NECTIN2: variants seen among roughly 807,000 people sequenced by gnomAD.
NECTIN2 encodes the protein nectin-2.
A neutral mutation model predicts 56.9 loss-of-function variants in NECTIN2; 23 were observed. The ratio of observed to expected loss-of-function variants is 0.40; its 90% CI spans 0.29 to 0.57. The LOEUF is 0.57. Ranked by LOEUF, NECTIN2 falls within the 20% of genes least tolerant of loss-of-function variation. NECTIN2 has a pLI of 0.38. For missense variants in NECTIN2, 587 were observed against 718.3 expected (o/e 0.82, Z 2.09); for synonymous variants, 302 against 313.8 (o/e 0.96, Z 0.40).
Position 44,846,395 on chromosome 19 carries a change from A to T in NECTIN2, c.-131A>T. On this transcript the variant is annotated 5_prime_UTR_variant, in exon 1 of 9. Transcript: ENST00000252483. ...GCCGGGAGAGCAGAACAGGGAGGCT[A>T]GAGCGCAGCGGGAACCGGCCCGGAG... is the stretch of plus-strand genomic sequence containing the variant. The T allele has an allele frequency of 8.6e-7, 1 of 1,164,676 alleles. No homozygotes were observed. The highest frequency in any genetic ancestry group is 1.9e-5 in the South Asian group (1 of 53,610). 72.1% of individuals were successfully genotyped at this position (1,164,676 alleles called of 1,614,324 possible).
chr19:44,850,795 T>G (rs1968890480), intron 1 of NECTIN2, among the ~76,000 whole-genome samples: 1 of 152,162 alleles, frequency 6.6e-6, no homozygotes, highest in Admixed American at 6.5e-5. Context: ...GGTTGGGCAC[T>G]GTGATTAATA....
intron 5 of NECTIN2, among the ~76,000 whole-genome samples, chr19:44,876,653 G>A (rs540845564): frequency 3.9e-5 from 6 of 152,162 alleles, no homozygotes; most frequent in African/African-American, 9.7e-5. Context: ...ACACAGAGTC[G>A]TCACAGAGAC....
chr19:44,885,058 G>A (rs1368292478), intron 6 of NECTIN2, among the ~76,000 whole-genome samples: 1 of 151,040 alleles, frequency 6.6e-6, no homozygotes. Flanking sequence ...GTGCAATGGC[G>A]CGATCTCGGC....
chr19:44,848,553 T>A (rs888225314), intron 1 of NECTIN2, among the ~76,000 whole-genome samples: 1 of 152,108 alleles, frequency 6.6e-6, no homozygotes, highest in African/African-American at 2.4e-5. Flanking sequence ...TGATTCCCTG[T>A]GAAACCTCTT....
intron 6 of NECTIN2, among the ~76,000 whole-genome samples, chr19:44,884,604 C>G (rs528005410): frequency 6.6e-6 from 1 of 152,178 alleles, no homozygotes; most frequent in African/African-American, 2.4e-5. Flanking sequence ...CCACTGTGTC[C>G]GAGACGGCCT....
chr19:44,878,797 T>C (rs1969274623), intron 5 of NECTIN2: 1 of 1,394,316 alleles, frequency 7.2e-7, no homozygotes, highest in Non-Finnish European at 9.3e-7. Context: ...ACTTCTCCCG[T>C]CTCTAGGGCT....
At chr19:44,887,737 C>T (rs1009118180) in intron 8 of NECTIN2, among the ~76,000 whole-genome samples, 2 of 152,158 alleles carry the variant, frequency 1.3e-5, no homozygotes, top group Admixed American at 6.5e-5. Flanking sequence ...TCAAGTCACT[C>T]CCCTCAGTGG....
chr19:44,878,823 G>A (rs1289057151), intron 5 of NECTIN2: 7 of 1,383,716 alleles, frequency 5.1e-6, no homozygotes, highest in Non-Finnish European at 4.7e-6. Flanking sequence ...GGGAGCCCGG[G>A]GAGCTGAGTA....
At chr19:44,869,977 A>G (rs1174332161) in intron 2 of NECTIN2, among the ~76,000 whole-genome samples, 3 of 152,112 alleles carry the variant, frequency 2.0e-5, no homozygotes, top group Non-Finnish European at 4.4e-5. Context: ...AGAGAGAGAG[A>G]TAACCTCAAG....
chr19:44,880,283 C>T (rs997033850), intron 5 of NECTIN2, among the ~76,000 whole-genome samples: 5 of 152,148 alleles, frequency 3.3e-5, no homozygotes, highest in Admixed American at 3.3e-4. Context: ...CTTACACACC[C>T]AGCAAACACC....
intron 6 of NECTIN2, among the ~76,000 whole-genome samples, chr19:44,885,517 G>A (rs1969351578): frequency 6.6e-6 from 1 of 151,252 alleles, no homozygotes; most frequent in Non-Finnish European, 1.5e-5. Flanking sequence ...TCACCATGTT[G>A]GCCAGGCTGG....
rs571126308 is a variant in NECTIN2, at chr19:44,884,504, A to G, written c.1197-1433A>G. On this transcript the variant is annotated intron_variant, in intron 6 of 8. Transcript: ENST00000252483. ...CTCTAAGTTTTTCTGATGCACAGGA[A>G]GGTCTGTTACACCACTGTCTTAATC... 2.6e-5 allele frequency among the ~76,000 whole-genome samples: 4 copies of G among 152,336 alleles called. No homozygotes were observed. The South Asian group carries it at 8.3e-4, about 32-fold the overall frequency.
intron 2 of NECTIN2, among the ~76,000 whole-genome samples, chr19:44,868,812 T>G (rs1969135548): frequency 6.6e-6 from 1 of 151,742 alleles, no homozygotes; most frequent in African/African-American, 2.4e-5. Flanking sequence ...CTCGGGAGAT[T>G]GAGGCAGGAG....
chr19:44,881,680 G>A (rs1252068684), intron 5 of NECTIN2, among the ~76,000 whole-genome samples: 12 of 152,068 alleles, frequency 7.9e-5, no homozygotes, highest in Non-Finnish European at 1.5e-5. Flanking sequence ...AAGCGAGACC[G>A]TCTCAAAAAA....
At chr19:44,868,435 T>C (rs1969128799) in intron 2 of NECTIN2, among the ~76,000 whole-genome samples, 1 of 150,438 alleles carries the variant, frequency 6.6e-6, no homozygotes, top group African/African-American at 2.4e-5. Context: ...AAGATTTTTT[T>C]TGAAGGATGC....
chr19:44,871,395 G>C (rs932865319), intron 2 of NECTIN2, among the ~76,000 whole-genome samples: 6 of 152,090 alleles, frequency 3.9e-5, no homozygotes, highest in African/African-American at 1.2e-4. Context: ...GGGCATGGTG[G>C]TGCATGCCTA....
Position 44,846,371 on chromosome 19 carries a change from C to G in NECTIN2, c.-155C>G. The G allele has an allele frequency of 1.0e-6, 1 of 961,768 alleles. No individual in the cohort carries two copies. Among genetic ancestry groups the G allele is most frequent in the Non-Finnish European group, 1.4e-6 (1 of 711,072 alleles). The allele number at this position is 961,768 out of a possible 1,614,324, so 59.6% of individuals were successfully genotyped here. On this transcript the variant is annotated 5_prime_UTR_variant, in exon 1 of 9. Coordinates refer to ENST00000252483, the MANE Select transcript of NECTIN2 (RefSeq NM_001042724.2). ...GCCGAGCCGGGCGGGGAGAGCTGGG[C>G]CGGGAGAGCAGAACAGGGAGGCTAG...
chr19:44,865,584 C>T lies in NECTIN2; in HGVS notation c.402C>T (p.Asp134=), dbSNP rs41289516. Residue 134 remains aspartate, a synonymous_variant, in exon 2 of 9, where the codon GAC becomes GAT. Transcript: ENST00000252483. The surrounding 1 kb of genome is among the most constrained non-coding windows in gnomAD (Gnocchi z 5.2). Reference sequence around the variant, plus strand: ...CCCTCCACGGGCTCACGGTGGAGGACGAGGGCAACTACACTTGCGAGTTTG... The same window carrying T: ...CCCTCCACGGGCTCACGGTGGAGGATGAGGGCAACTACACTTGCGAGTTTG... ...TLALHGLTVE[D]EGNYTCEFAT... 1.4e-4 allele frequency: 217 copies of T among 1,546,804 alleles called. No homozygotes were observed. The highest frequency in any genetic ancestry group is 1.6e-4 in the Non-Finnish European group (184 of 1,148,546).
chr19:44,865,421 A>G lies in NECTIN2; in HGVS notation c.239A>G (p.Gln80Arg). 1 of 1,614,164 alleles carries G rather than the reference A, an allele frequency of 6.2e-7. No individual in the cohort carries two copies. The highest frequency in any genetic ancestry group is 8.5e-7 in the Non-Finnish European group (1 of 1,180,036). Residue 80 changes from glutamine to arginine, a missense_variant, in exon 2 of 9, where the codon CAG (glutamine) becomes CGG (arginine). Gln to Arg is a conservative substitution (Grantham distance 43). Transcript: ENST00000252483. The surrounding 1 kb of genome is among the most constrained non-coding windows in gnomAD (Gnocchi z 5.2). ...WQRPDAPANH[Q>R]NVAAFHPKMG... ...CGCCCAGATGCACCTGCGAACCACC[A>G]GAATGTGGCCGCCTTCCACCCTAAG...
Sources: allele counts gnomAD v4.1 joint callset (sites outside exome capture counted in the v4.1 genomes callset), GRCh38; gene constraint gnomAD v4.1.1; non-coding constraint Gnocchi (gnomAD v3.1); transcripts MANE v1.5; gene names NCBI Gene and HGNC (gene_info 2026-07-23, HGNC 2026-07-21).